The following TAFA2 variants were observed in gnomAD, a reference collection of about 807,000 sequenced individuals.
The protein encoded by TAFA2 is chemokine-like protein TAFA-2.
In TAFA2, 7 loss-of-function variants were observed where a neutral mutation model predicts 18.8. The ratio of observed to expected loss-of-function variants is 0.37; its 90% CI spans 0.21 to 0.70. TAFA2 has a LOEUF of 0.70. TAFA2 is among the 30% of genes least tolerant of loss of function. TAFA2 has a pLI of 0.53. For missense variants in TAFA2, 122 were observed against 158.1 expected, an observed-to-expected ratio of 0.77 and a Z score of 1.23; for synonymous variants, 60 against 54.2, an observed-to-expected ratio of 1.11 and a Z score of -0.47.
At chr12:62,248,067 G>A (rs2062895347) in intron 1 of TAFA2, among the ~76,000 whole-genome samples, 1 of 152,186 alleles carries the variant, frequency 6.6e-6, no homozygotes, top group Non-Finnish European at 1.5e-5. Flanking sequence ...AAGGTGAGGA[G>A]AGCAGAATTT....
chr12:61,757,420 T>C (rs1022043634), intron 2 of TAFA2, among the ~76,000 whole-genome samples: 1 of 152,018 alleles, frequency 6.6e-6, no homozygotes, highest in African/African-American at 2.4e-5. Flanking sequence ...ATGAGGTTAG[T>C]ATATCTGTAC....
intron 1 of TAFA2, among the ~76,000 whole-genome samples, chr12:62,092,241 C>T (rs1253854416): frequency 6.6e-6 from 1 of 151,918 alleles, no homozygotes; most frequent in East Asian, 1.9e-4. Context: ...TATATAAAAA[C>T]ATAAATATGC....
intron 1 of TAFA2, among the ~76,000 whole-genome samples, chr12:61,997,198 T>C (rs1880224928): frequency 6.8e-6 from 1 of 148,000 alleles, no homozygotes; most frequent in Non-Finnish European, 1.5e-5. Context: ...TGTGTATATA[T>C]ATATATATAA....
At chr12:62,206,050 C>T (rs1040607367) in intron 1 of TAFA2, among the ~76,000 whole-genome samples, 6 of 152,122 alleles carry the variant, frequency 3.9e-5, no homozygotes, top group South Asian at 2.1e-4. Context: ...TCACGCCAAC[C>T]GCCTAGTCAG....
intron 1 of TAFA2, among the ~76,000 whole-genome samples, chr12:61,874,917 C>A (rs964001279): frequency 1.3e-5 from 2 of 151,640 alleles, no homozygotes; most frequent in African/African-American, 2.4e-5. Flanking sequence ...AACAGGAATG[C>A]CATTAGAGTA....
intron 2 of TAFA2, among the ~76,000 whole-genome samples, chr12:61,804,495 A>G (rs1348055150): frequency 6.6e-6 from 1 of 152,068 alleles, no homozygotes; most frequent in Non-Finnish European, 1.5e-5. Flanking sequence ...CTGACAGACA[A>G]GTATGTGCTA....
At chr12:61,827,697 T>C (rs717272) in intron 2 of TAFA2, among the ~76,000 whole-genome samples, 43,833 of 151,896 alleles carry the variant, frequency 0.29, 6,907 homozygotes, top group South Asian at 0.4. Flanking sequence ...TATTAGCATA[T>C]AAATATATGA....
intron 1 of TAFA2, among the ~76,000 whole-genome samples, chr12:61,882,011 G>A (rs921068257): frequency 1.3e-5 from 2 of 151,728 alleles, no homozygotes; most frequent in Admixed American, 6.6e-5. Flanking sequence ...TGAAAATTTT[G>A]CCTAGACCTA....
intron 1 of TAFA2, among the ~76,000 whole-genome samples, chr12:62,054,233 T>C (rs1307989915): frequency 6.6e-6 from 1 of 152,236 alleles, no homozygotes; most frequent in East Asian, 1.9e-4. Context: ...CAACTGTAAC[T>C]TAAATACAGA....
chr12:62,158,536 G>A (rs1328096724), intron 1 of TAFA2, among the ~76,000 whole-genome samples: 4 of 152,172 alleles, frequency 2.6e-5, no homozygotes, highest in Non-Finnish European at 4.4e-5. Context: ...TGTAAAGTGA[G>A]TCCTCTCAAA....
intron 1 of TAFA2, among the ~76,000 whole-genome samples, chr12:62,153,062 A>C (rs780912742): frequency 6.6e-6 from 1 of 152,202 alleles, no homozygotes; most frequent in Non-Finnish European, 1.5e-5. Flanking sequence ...TTTTTTAATG[A>C]ATGAATACAA....
At chr12:61,963,672 C>T (rs1417378563) in intron 1 of TAFA2, among the ~76,000 whole-genome samples, 4 of 151,860 alleles carry the variant, frequency 2.6e-5, no homozygotes, top group South Asian at 2.1e-4. Context: ...TTTATAGATT[C>T]GATGCTATCC....
At chr12:61,822,091 G>A (rs1872343470) in intron 2 of TAFA2, among the ~76,000 whole-genome samples, 1 of 151,974 alleles carries the variant, frequency 6.6e-6, no homozygotes, top group Non-Finnish European at 1.5e-5. Context: ...TTTTGCAAAT[G>A]TTATTTTTCT....
At chr12:62,193,598 T>C (rs1487837057), upstream of TAFA2, among the ~76,000 whole-genome samples, 2 of 152,226 alleles carry the variant, frequency 1.3e-5, no homozygotes, top group Admixed American at 6.5e-5. Flanking sequence ...CTAAAATGCA[T>C]CAAGTAATTT....
chr12:62,192,993 C>G, upstream of TAFA2, among the ~76,000 whole-genome samples: 1 of 152,256 alleles, frequency 6.6e-6, no homozygotes, highest in South Asian at 2.1e-4. Context: ...AGGATTTAGA[C>G]GGAGGATTTT....
chr12:61,724,991 T>C (rs1469465380), intron 4 of TAFA2, among the ~76,000 whole-genome samples: 2 of 151,866 alleles, frequency 1.3e-5, no homozygotes, highest in Admixed American at 6.6e-5. Flanking sequence ...TATTTTTTGA[T>C]CTTTTAAATT....
At chr12:62,116,287 A>T (rs1190034827) in intron 1 of TAFA2, among the ~76,000 whole-genome samples, 1 of 152,224 alleles carries the variant, frequency 6.6e-6, no homozygotes, top group Admixed American at 6.5e-5. Flanking sequence ...AGGCATGCAT[A>T]CACAGAGGAA....
intron 1 of TAFA2, among the ~76,000 whole-genome samples, chr12:61,910,326 T>C (rs1342905215): frequency 2.0e-5 from 3 of 152,168 alleles, no homozygotes; most frequent in East Asian, 1.9e-4. Context: ...GTTCTTAGTA[T>C]GAATTATAAG....
At chr12:61,998,715 C>A (rs1291179098) in intron 1 of TAFA2, among the ~76,000 whole-genome samples, 1 of 152,126 alleles carries the variant, frequency 6.6e-6, no homozygotes, top group African/African-American at 2.4e-5. Context: ...TTGTAATGTA[C>A]TATACAGATG....
Sources: allele counts gnomAD v4.1 joint callset (sites outside exome capture counted in the v4.1 genomes callset), GRCh38; gene constraint gnomAD v4.1.1; transcripts MANE v1.5; gene names NCBI Gene and HGNC (gene_info 2026-07-23, HGNC 2026-07-21).